SLAIN1: variants seen among roughly 807,000 people sequenced by gnomAD.
The protein encoded by SLAIN1 is SLAIN family member 1.
A neutral mutation model predicts 55.4 loss-of-function variants in SLAIN1; 17 were observed. That is an observed-to-expected ratio of 0.31 (90% CI 0.21 to 0.46). The LOEUF (loss-of-function observed/expected upper bound fraction) is 0.46, where lower values mean the gene tolerates loss of function less well. Ranked by LOEUF, SLAIN1 falls within the 20% of genes least tolerant of loss-of-function variation. SLAIN1 has a pLI of 1.00. For synonymous variants in SLAIN1, 348 were observed against 337.4 expected (o/e 1.03, Z -0.35); for missense variants, 682 against 785.1 (o/e 0.87, Z 1.57).
intron 5 of SLAIN1, among the ~76,000 whole-genome samples, chr13:77,757,589 C>T (rs1874694868): frequency 3.9e-5 from 6 of 152,026 alleles, no homozygotes; most frequent in Admixed American, 3.9e-4. Flanking sequence ...ACCACCCTCC[C>T]AGACTTCCCC....
intron 2 of SLAIN1, chr13:77,743,207 C>A (rs573085689): frequency 7.9e-7 from 1 of 1,267,244 alleles, no homozygotes; most frequent in Admixed American, 2.4e-5. Flanking sequence ...CTTTGTAATT[C>A]AGTTACTAAA....
chr13:77,724,703 C>T lies in SLAIN1; in HGVS notation c.766+5032C>T, dbSNP rs1024748151. On this transcript the variant is annotated intron_variant, in intron 2 of 6. Transcript: ENST00000418532. Reference sequence around the variant, plus strand: ...ATTTAATTGGAATAATGCGAGCTTTCCATATTTTTGGTTTCAATAATTCTC... The same window carrying T: ...ATTTAATTGGAATAATGCGAGCTTTTCATATTTTTGGTTTCAATAATTCTC... 4.6e-5 allele frequency among the ~76,000 whole-genome samples: 7 copies of T among 152,022 alleles called. 1 individual carries two copies. The highest frequency in any genetic ancestry group is 1.0e-4 in the Non-Finnish European group (7 of 68,014).
In SLAIN1 at chr13:77,761,115, G is replaced by A. The variant is rs1243663650; in HGVS notation, c.1697+5G>A. 3.1e-6 allele frequency: 5 copies of A among 1,613,594 alleles called. No individual in the cohort carries two copies. Among genetic ancestry groups the A allele is most frequent in the African/African-American group, 2.7e-5 (2 of 75,034 alleles). On this transcript the variant is annotated splice_donor_5th_base_variant and intron_variant, in intron 6 of 6. Transcript: ENST00000418532. Reference sequence around the variant, plus strand: ...AATTGCACAACCTGTTAGAAGGTAAGAATGTGTATTTGCGTAACTTCATTT... The same window carrying A: ...AATTGCACAACCTGTTAGAAGGTAAAAATGTGTATTTGCGTAACTTCATTT...
At position 77,763,294 on chromosome 13, in the gene SLAIN1, CA is replaced by C; in HGVS notation, c.*75del. The C allele has an allele frequency of 8.7e-7, 1 of 1,155,562 alleles. No homozygotes were observed. Among genetic ancestry groups the C allele is most frequent in the Non-Finnish European group, 1.3e-6 (1 of 771,112 alleles). 71.6% of individuals were successfully genotyped at this position (1,155,562 alleles called of 1,614,324 possible). ...TTGTGTTACCTAGCTGGCTGGGTAG[CA>C]GTGGATGTTGGGATATTCTTTCCCT... On this transcript the variant is annotated 3_prime_UTR_variant, in exon 7 of 7. Transcript: ENST00000418532.
At chr13:77,722,130 C>T (rs1274148303) in intron 2 of SLAIN1, among the ~76,000 whole-genome samples, 1 of 151,842 alleles carries the variant, frequency 6.6e-6, no homozygotes, top group Non-Finnish European at 1.5e-5. Context: ...AGGATAGGAA[C>T]TGGCATACTG....
At chr13:77,744,468 C>T in intron 3 of SLAIN1, 36 bp downstream of exon 3, 1 of 1,604,406 alleles carries the variant, frequency 6.2e-7, no homozygotes, top group South Asian at 1.1e-5. Context: ...AATGAGGCTT[C>T]CACTTGGAAT....
intron 4 of SLAIN1, among the ~76,000 whole-genome samples, chr13:77,747,329 G>A (rs1003372105): frequency 3.9e-5 from 6 of 152,058 alleles, no homozygotes; most frequent in African/African-American, 7.2e-5. Context: ...CTAAATTTGC[G>A]TCTCTAATTG....
intron 3 of SLAIN1, among the ~76,000 whole-genome samples, chr13:77,745,053 A>G (rs1012626443): frequency 1.2e-4 from 19 of 152,070 alleles, no homozygotes; most frequent in African/African-American, 4.6e-4. Flanking sequence ...CAGAGGACAG[A>G]CTAGTGGTTG....
At position 77,698,637 on chromosome 13, in the gene SLAIN1, AGCCGGGGTGACT is replaced by A; in HGVS notation, c.626+99_626+110del. On this transcript the variant is annotated intron_variant, in intron 1 of 6. Coordinates refer to ENST00000418532, the MANE Select transcript of SLAIN1 (RefSeq NM_001242868.2). The surrounding 1 kb of genome is among the most constrained non-coding windows in gnomAD (Gnocchi z 4.1). The stretch of plus-strand genomic sequence containing the variant: ...GGGCGGACGGGGGTCCCCTCGCGGC[AGCCGGGGTGACT>A]CCCCGCGGCTCCCGGAGGGGCCGAC... 7.6e-7 allele frequency: 1 copy of A among 1,308,584 alleles called. No homozygotes were observed. The highest frequency in any genetic ancestry group is 9.7e-7 in the Non-Finnish European group (1 of 1,031,940). The allele number at this position is 1,308,584 out of a possible 1,614,324, so 81.1% of individuals were successfully genotyped here.
At chr13:77,718,674 G>A (rs1053673763) in intron 1 of SLAIN1, among the ~76,000 whole-genome samples, 11 of 152,146 alleles carry the variant, frequency 7.2e-5, no homozygotes, top group African/African-American at 2.7e-4. Context: ...TGTAATTAAT[G>A]TAAGCTTATA....
At chr13:77,753,579 G>A (rs1160999865) in intron 5 of SLAIN1, among the ~76,000 whole-genome samples, 1 of 151,962 alleles carries the variant, frequency 6.6e-6, no homozygotes, top group Non-Finnish European at 1.5e-5. Context: ...ACCAGTGCCT[G>A]TGGTATAAAT....
intron 2 of SLAIN1, among the ~76,000 whole-genome samples, chr13:77,737,160 C>A (rs1873161699): frequency 6.6e-6 from 1 of 151,968 alleles, no homozygotes; most frequent in African/African-American, 2.4e-5. Flanking sequence ...GTCTTAAGAA[C>A]TAAAGCATTA....
chr13:77,756,969 T>C (rs1874651623), intron 5 of SLAIN1, among the ~76,000 whole-genome samples: 2 of 152,168 alleles, frequency 1.3e-5, no homozygotes, highest in African/African-American at 2.4e-5. Context: ...CATGAACATA[T>C]GCACTTTGAA....
intron 2 of SLAIN1, among the ~76,000 whole-genome samples, chr13:77,720,684 C>T (rs2091253692): frequency 6.6e-6 from 1 of 152,082 alleles, no homozygotes; most frequent in African/African-American, 2.4e-5. Context: ...TAGAGAAGTT[C>T]CCAGGGTTAC....
chr13:77,740,959 A>G (rs1234804774), intron 2 of SLAIN1, among the ~76,000 whole-genome samples: 1 of 152,000 alleles, frequency 6.6e-6, no homozygotes, highest in Non-Finnish European at 1.5e-5. Context: ...AAAAGCTTCA[A>G]TGCTAAACAA....
intron 6 of SLAIN1, among the ~76,000 whole-genome samples, chr13:77,761,366 G>A (rs1047025531): frequency 1.3e-5 from 2 of 152,106 alleles, no homozygotes; most frequent in African/African-American, 2.4e-5. Flanking sequence ...GCTTTTACCA[G>A]ATAAGCTCTG....
At chr13:77,717,608 G>T (rs752140447) in intron 1 of SLAIN1, among the ~76,000 whole-genome samples, 4 of 152,068 alleles carry the variant, frequency 2.6e-5, no homozygotes, top group Non-Finnish European at 4.4e-5. Context: ...AAACTTGTCC[G>T]CAAGCTTATC....
At chr13:77,756,587 C>T (rs1053369989) in intron 5 of SLAIN1, among the ~76,000 whole-genome samples, 1 of 151,996 alleles carries the variant, frequency 6.6e-6, no homozygotes, top group African/African-American at 2.4e-5. Flanking sequence ...TTAATATCTC[C>T]TAATAGTTAC....
intron 1 of SLAIN1, among the ~76,000 whole-genome samples, chr13:77,701,519 T>TAA (rs557274740): frequency 0.012 from 1,812 of 151,810 alleles, 34 homozygotes; most frequent in African/African-American, 0.041. Flanking sequence ...AGTAGTATCT[T>TAA]AAAAAAAACA....
Sources: gnomAD v4.1 joint callset for allele counts (sites outside exome capture counted in the v4.1 genomes callset) on GRCh38, gnomAD v4.1.1 for gene constraint, Gnocchi (gnomAD v3.1) non-coding constraint, MANE v1.5 for transcripts, NCBI Gene and HGNC (gene_info 2026-07-23, HGNC 2026-07-21) for gene names.